RARB: variants seen among roughly 807,000 people sequenced by gnomAD.
RARB encodes the protein retinoic acid receptor beta.
RARB carries 17 observed loss-of-function variants against 51.9 expected under a neutral mutation model. That is an observed-to-expected ratio of 0.33 (90% CI 0.22 to 0.49). The LOEUF (loss-of-function observed/expected upper bound fraction) is 0.49, where lower values mean the gene tolerates loss of function less well. Ranked by LOEUF, RARB falls within the 20% of genes least tolerant of loss-of-function variation. RARB has a pLI of 0.99. For missense variants in RARB, 369 were observed against 550.8 expected (o/e 0.67, Z 3.30); for synonymous variants, 215 against 195.4 (o/e 1.10, Z -0.84).
chr3:24,908,175 T>C (rs1413936534), intron 2 of RARB, among the ~76,000 whole-genome samples: 1 of 152,232 alleles, frequency 6.6e-6, no homozygotes, highest in African/African-American at 2.4e-5. Context: ...AAAGCACTGA[T>C]TCTTGTTCAG....
intron 5 of RARB, among the ~76,000 whole-genome samples, chr3:25,202,952 T>C (rs1046647300): frequency 2.0e-5 from 3 of 152,156 alleles, no homozygotes; most frequent in Non-Finnish European, 4.4e-5. Flanking sequence ...CTATTAGGTC[T>C]GCTTGGTGCA....
chr3:25,149,883 T>G (rs1316589721), intron 4 of RARB, among the ~76,000 whole-genome samples: 1 of 151,838 alleles, frequency 6.6e-6, no homozygotes, highest in Non-Finnish European at 1.5e-5. Context: ...CCCATATGCA[T>G]AAGCAGCAGA....
At position 25,079,738 on chromosome 3, in the gene RARB, A is replaced by C. The variant is rs139473157; in HGVS notation, c.-328+19562A>C. Among the ~76,000 whole-genome samples the C allele has an allele frequency of 8.5e-4, 129 of 152,298 alleles. 1 individual carries two copies. The East Asian group carries it at 0.019, about 22-fold the overall frequency. On this transcript the variant is annotated intron_variant, in intron 3 of 11. Transcript: ENST00000383772. The stretch of plus-strand genomic sequence containing the variant: ...GTTTTAGAATAAAACTAGGTTAGTC[A>C]TGAGGTAGTATCCTTTCAAATATTG...
At chr3:25,518,126 T>C (rs1201681343) in intron 3 of RARB, among the ~76,000 whole-genome samples, 1 of 152,224 alleles carries the variant, frequency 6.6e-6, no homozygotes, top group African/African-American at 2.4e-5. Context: ...ATTTATAGCA[T>C]TTGAATTGTA....
chr3:25,021,496 A>G (rs1216073212), intron 2 of RARB, among the ~76,000 whole-genome samples: 1 of 152,174 alleles, frequency 6.6e-6, no homozygotes, highest in Non-Finnish European at 1.5e-5. Flanking sequence ...GATCTGGGAC[A>G]AGGAAGTGAT....
Position 25,191,258 on chromosome 3 carries a change from T to C in RARB, c.178+16683T>C, listed in dbSNP as rs1701097092. Among the ~76,000 whole-genome samples the C allele has an allele frequency of 2.6e-5, 4 of 152,278 alleles. No homozygotes were observed. The South Asian group carries it at 8.3e-4, about 32-fold the overall frequency. On this transcript the variant is annotated intron_variant, in intron 5 of 11. Transcript: ENST00000383772. ...TATTGCATAAATACTTGGACATTGC[T>C]TGTGGGACAATATTATTCCCTTTTG...
rs528489803 is a variant in RARB at position 25,259,859 on chromosome 3, T to C, written c.178+85284T>C. On this transcript the variant is annotated intron_variant, in intron 5 of 11. Transcript: ENST00000383772. ...TTGGTATCTGTCATTGCTTCCCAAA[T>C]AAGTCAAGAGATTTGAGCTTCTTTC... The C allele has an allele frequency of 3.1e-6, 3 of 964,222 alleles. No homozygotes were observed. In the African/African-American group the frequency reaches 5.3e-5, roughly 17 times the overall value. 59.7% of individuals were successfully genotyped at this position (964,222 alleles called of 1,614,324 possible). A position where few individuals can be genotyped will look rare whatever the true frequency, so the allele number is the denominator to read the frequency against.
chr3:25,425,980 C>A (rs1160864997), upstream of RARB, among the ~76,000 whole-genome samples: 1 of 152,208 alleles, frequency 6.6e-6, no homozygotes, highest in East Asian at 1.9e-4. Flanking sequence ...TTCTCCTGCT[C>A]TACTTCCAAT....
chr3:25,036,518 C>A (rs1371333213), intron 2 of RARB, among the ~76,000 whole-genome samples: 1 of 152,066 alleles, frequency 6.6e-6, no homozygotes, highest in Non-Finnish European at 1.5e-5. Flanking sequence ...TATTGATGGC[C>A]TACTGTGTGC....
At chr3:25,553,029 C>G (rs1699910946) in intron 3 of RARB, among the ~76,000 whole-genome samples, 1 of 152,072 alleles carries the variant, frequency 6.6e-6, no homozygotes, top group South Asian at 2.1e-4. Context: ...AACAGATATC[C>G]TACGAAGGAA....
chr3:24,961,001 C>T (rs1194257976), intron 2 of RARB, among the ~76,000 whole-genome samples: 2 of 152,232 alleles, frequency 1.3e-5, no homozygotes, highest in East Asian at 3.9e-4. Flanking sequence ...AGGAATTAAC[C>T]TCTCAAGTCT....
intron 5 of RARB, among the ~76,000 whole-genome samples, chr3:25,269,738 A>G (rs1353942659): frequency 6.6e-6 from 1 of 152,202 alleles, no homozygotes; most frequent in African/African-American, 2.4e-5. Context: ...TTATATCCTA[A>G]AACATCTTTT....
At chr3:25,226,355 A>G (rs1702056465) in intron 5 of RARB, among the ~76,000 whole-genome samples, 1 of 152,326 alleles carries the variant, frequency 6.6e-6, no homozygotes, top group South Asian at 2.1e-4. Context: ...TCTGACTTCA[A>G]GATAATTTAG....
chr3:24,934,249 G>T (rs967474746), intron 2 of RARB, among the ~76,000 whole-genome samples: 1 of 152,078 alleles, frequency 6.6e-6, no homozygotes. Context: ...CAAATGCCAT[G>T]CTTTTCCAGT....
At chr3:25,530,342 T>C (rs868285104) in intron 3 of RARB, among the ~76,000 whole-genome samples, 1 of 152,262 alleles carries the variant, frequency 6.6e-6, no homozygotes, top group Non-Finnish European at 1.5e-5. Context: ...GATATCCTAT[T>C]ACTGTGGTAA....
chr3:24,969,589 A>G (rs1280186556), intron 2 of RARB, among the ~76,000 whole-genome samples: 3 of 152,130 alleles, frequency 2.0e-5, no homozygotes. Flanking sequence ...TCATTTCACC[A>G]TACCAGAGCT....
At chr3:24,857,801 C>T (rs768515163) in intron 1 of RARB, among the ~76,000 whole-genome samples, 1 of 152,150 alleles carries the variant, frequency 6.6e-6, no homozygotes, top group African/African-American at 2.4e-5. Context: ...TGGCATGTGC[C>T]TGTGGTTCCA....
chr3:25,506,945 C>T (rs572914781), intron 3 of RARB, among the ~76,000 whole-genome samples: 1 of 152,332 alleles, frequency 6.6e-6, no homozygotes, highest in East Asian at 1.9e-4. Flanking sequence ...TGAGGATTTA[C>T]CTCCTTCTCC....
intron 3 of RARB, among the ~76,000 whole-genome samples, chr3:25,509,110 G>GAACAAAGGGGAAAGAA (rs1697756125): frequency 1.3e-5 from 2 of 152,166 alleles, no homozygotes; most frequent in Admixed American, 1.3e-4. Flanking sequence ...CAATAGAACA[G>GAACAAAGGGGAAAGAA]CACAGGGCAA....
Sources: gnomAD v4.1 joint callset for allele counts (sites outside exome capture counted in the v4.1 genomes callset) on GRCh38, gnomAD v4.1.1 for gene constraint, MANE v1.5 for transcripts, NCBI Gene and HGNC (gene_info 2026-07-23, HGNC 2026-07-21) for gene names.